Variants in COL10A1 observed in about 807,000 individuals in gnomAD.
The protein encoded by COL10A1 is collagen type X alpha 1 chain.
Under a neutral mutation model 18.2 loss-of-function variants are expected in COL10A1, and 10 were observed. The observed-to-expected ratio is 0.55, with a 90% CI of 0.34 to 0.93. The LOEUF is 0.93. Among genes scored for constraint, COL10A1 ranks in the 40% least tolerant of loss-of-function variants. COL10A1 has a pLI of 0.02. For synonymous variants in COL10A1, 330 were observed against 316.6 expected (o/e 1.04, Z -0.45); for missense variants, 897 against 853.5 (o/e 1.05, Z -0.64).
At chr6:116,209,722 G>C in the COL10A1 span, among the ~76,000 whole-genome samples, 1 of 151,856 alleles carries the variant, frequency 6.6e-6, no homozygotes, top group Non-Finnish European at 1.5e-5. Flanking sequence ...TGGAAGGTCT[G>C]AGTTTCCAGA....
chr6:116,182,295 A>G, the COL10A1 span, among the ~76,000 whole-genome samples: 1 of 150,946 alleles, frequency 6.6e-6, no homozygotes, highest in Middle Eastern at 3.2e-3. Context: ...TGATTGATGA[A>G]CATTTGGGCT....
rs1013277712 is a variant in COL10A1, at chr6:116,119,778, T to G, written c.*295A>C. On this transcript the variant is annotated 3_prime_UTR_variant, in exon 3 of 3. Coordinates refer to ENST00000651968, the MANE Select transcript of COL10A1 (RefSeq NM_000493.4). ...TTTAATTTTTTTTTTGTTGTTTGTT[T>G]TTTGTTGTTTGTTTTTAACATAGCA... 8 of 274,280 alleles carry G rather than the reference T, an allele frequency of 2.9e-5. No individual in the cohort carries two copies. Among genetic ancestry groups the G allele is most frequent in the Admixed American group, 2.9e-4 (6 of 20,762 alleles). 17.0% of individuals were successfully genotyped at this position (274,280 alleles called of 1,614,324 possible).
chr6:116,216,687 A>G, the COL10A1 span, among the ~76,000 whole-genome samples: 2 of 152,080 alleles, frequency 1.3e-5, no homozygotes, highest in Non-Finnish European at 2.9e-5. Context: ...ATTTTGTTAT[A>G]TAAACAGCAA....
chr6:116,211,344 T>C, the COL10A1 span, among the ~76,000 whole-genome samples: 2 of 152,062 alleles, frequency 1.3e-5, no homozygotes, highest in African/African-American at 4.8e-5. Flanking sequence ...TACATTGTTA[T>C]TTTAAGCCAT....
At chr6:116,130,408 T>C (rs1779430038), upstream of COL10A1, among the ~76,000 whole-genome samples, 1 of 152,162 alleles carries the variant, frequency 6.6e-6, no homozygotes, top group South Asian at 2.1e-4. Context: ...GCCTCTCCTC[T>C]ACCAGTTGGC....
chr6:116,127,825 A>G (rs1284530426), upstream of COL10A1, among the ~76,000 whole-genome samples: 2 of 152,154 alleles, frequency 1.3e-5, no homozygotes, highest in African/African-American at 4.8e-5. Flanking sequence ...TCAGAAGACT[A>G]ATTCTCAGCT....
intron 1 of COL10A1, among the ~76,000 whole-genome samples, chr6:116,157,858 C>A (rs187898674): frequency 6.6e-6 from 1 of 152,288 alleles, no homozygotes; most frequent in African/African-American, 2.4e-5. Context: ...AGCCTCTCAT[C>A]CCTTGTATTG....
At chr6:116,153,878 A>T (rs1780114251) in intron 1 of COL10A1, among the ~76,000 whole-genome samples, 2 of 152,160 alleles carry the variant, frequency 1.3e-5, no homozygotes, top group African/African-American at 2.4e-5. Flanking sequence ...CAATTTGGCA[A>T]AATAAGCATC....
At chr6:116,172,957 ATTATAT>A in the COL10A1 span, among the ~76,000 whole-genome samples, 24 of 152,296 alleles carry the variant, frequency 1.6e-4, no homozygotes, top group African/African-American at 4.1e-4. Flanking sequence ...TTAGGATAAA[ATTATAT>A]TTATATCTTG....
upstream of COL10A1, among the ~76,000 whole-genome samples, chr6:116,126,673 A>G (rs969856310): frequency 6.6e-6 from 1 of 152,098 alleles, no homozygotes; most frequent in African/African-American, 2.4e-5. Context: ...CTTATTCACA[A>G]CACTACGCTA....
the COL10A1 span, among the ~76,000 whole-genome samples, chr6:116,167,561 A>G: frequency 1.3e-5 from 2 of 152,134 alleles, no homozygotes; most frequent in African/African-American, 4.8e-5. Flanking sequence ...GATACCAGTT[A>G]TTTGTACTGA....
chr6:116,161,916 C>A (rs1582844523), upstream of COL10A1, among the ~76,000 whole-genome samples: 1 of 151,918 alleles, frequency 6.6e-6, no homozygotes, highest in African/African-American at 2.4e-5. Flanking sequence ...TTTTATAATT[C>A]TCCTTTGTAT....
the COL10A1 span, among the ~76,000 whole-genome samples, chr6:116,217,108 A>T: frequency 1.3e-5 from 2 of 152,210 alleles, no homozygotes; most frequent in African/African-American, 4.8e-5. Context: ...TTCAGTGATG[A>T]TAGAAATAGT....
the COL10A1 span, among the ~76,000 whole-genome samples, chr6:116,185,396 T>G: frequency 6.6e-6 from 1 of 152,096 alleles, no homozygotes; most frequent in Admixed American, 6.6e-5. Context: ...TAGGGTATAG[T>G]TTAAGTCCAT....
At chr6:116,213,892 A>G in the COL10A1 span, among the ~76,000 whole-genome samples, 67 of 152,054 alleles carry the variant, frequency 4.4e-4, no homozygotes, top group African/African-American at 1.6e-3. Flanking sequence ...TGAGATGGAT[A>G]CTTTACCCAC....
At chr6:116,155,062 C>T (rs1199419401) in intron 1 of COL10A1, among the ~76,000 whole-genome samples, 2 of 152,160 alleles carry the variant, frequency 1.3e-5, no homozygotes, top group Admixed American at 1.3e-4. Context: ...AGTATACAGA[C>T]TTTAATATTA....
the COL10A1 span, among the ~76,000 whole-genome samples, chr6:116,173,917 C>T: frequency 6.6e-6 from 1 of 152,128 alleles, no homozygotes; most frequent in East Asian, 1.9e-4. Context: ...CCCATAATCC[C>T]ATTCAGGATA....
chr6:116,122,841 A>T lies in COL10A1; in HGVS notation c.155-880T>A, dbSNP rs924962410. 2.0e-5 allele frequency among the ~76,000 whole-genome samples: 3 copies of T among 152,348 alleles called. No individual in the cohort carries two copies. In the East Asian group the frequency reaches 5.8e-4, roughly 29 times the overall value. On this transcript the variant is annotated intron_variant, in intron 2 of 2. Transcript: ENST00000651968. The stretch of plus-strand genomic sequence containing the variant: ...AGATTTTTTTTTACTAATTAGAGTT[A>T]TATTTCAATTTGAAAACATTGATTA...
intron 1 of COL10A1, chr6:116,145,405 G>A: frequency 3.0e-6 from 1 of 338,368 alleles, no homozygotes; most frequent in Non-Finnish European, 6.6e-6. Flanking sequence ...TTTTCAAAAT[G>A]CAAAACTTTT....
Sources: allele counts gnomAD v4.1 joint callset (sites outside exome capture counted in the v4.1 genomes callset), GRCh38; gene constraint gnomAD v4.1.1; transcripts MANE v1.5; gene names NCBI Gene and HGNC (gene_info 2026-07-23, HGNC 2026-07-21).